Variants in NRG3 observed in about 807,000 individuals in gnomAD.
NRG3 encodes pro-neuregulin-3, membrane-bound isoform.
Under a neutral mutation model 66.9 loss-of-function variants are expected in NRG3, and 31 were observed. The ratio of observed to expected loss-of-function variants is 0.46; its 90% CI spans 0.35 to 0.63. The LOEUF is 0.63. Ranked by LOEUF, NRG3 falls within the 20% of genes least tolerant of loss-of-function variation. The pLI is 0.00. For missense variants in NRG3, 910 were observed against 878.9 expected (o/e 1.04, Z -0.45); for synonymous variants, 393 against 359.4 (o/e 1.09, Z -1.06).
chr10:82,272,119 GA>G (rs2078626790), intron 1 of NRG3, among the ~76,000 whole-genome samples: 2 of 152,182 alleles, frequency 1.3e-5, no homozygotes, highest in Admixed American at 1.3e-4. Flanking sequence ...TAAGATGATG[GA>G]GTAGAGATGA....
intron 2 of NRG3, among the ~76,000 whole-genome samples, chr10:82,393,249 GAAGT>G: frequency 6.6e-6 from 1 of 152,252 alleles, no homozygotes; most frequent in South Asian, 2.1e-4. Context: ...AACTGAAACA[GAAGT>G]AAGACATGAG....
chr10:82,845,406 T>C (rs566796412), intron 3 of NRG3, among the ~76,000 whole-genome samples: 19 of 152,312 alleles, frequency 1.2e-4, no homozygotes, highest in African/African-American at 4.1e-4. Flanking sequence ...TTTCCTTTTT[T>C]ACACTTATGT....
At chr10:82,529,951 A>G (rs1424004183) in intron 2 of NRG3, among the ~76,000 whole-genome samples, 2 of 152,198 alleles carry the variant, frequency 1.3e-5, no homozygotes, top group East Asian at 3.8e-4. Flanking sequence ...ATATCTTTGC[A>G]AACAGTTAAA....
intron 1 of NRG3, among the ~76,000 whole-genome samples, chr10:82,243,833 T>C (rs1289533297): frequency 6.6e-6 from 1 of 152,178 alleles, no homozygotes; most frequent in East Asian, 1.9e-4. Context: ...TTGGGTACAA[T>C]AGCTATATCA....
intron 1 of NRG3, among the ~76,000 whole-genome samples, chr10:82,062,823 T>C (rs2064235452): frequency 6.6e-6 from 1 of 152,118 alleles, no homozygotes; most frequent in African/African-American, 2.4e-5. Flanking sequence ...GAATCCACTC[T>C]TAGGAAAATG....
chr10:82,286,728 C>T (rs2079439410), intron 1 of NRG3, among the ~76,000 whole-genome samples: 1 of 152,136 alleles, frequency 6.6e-6, no homozygotes, highest in Non-Finnish European at 1.5e-5. Context: ...GCTGGGACTA[C>T]AGGAATGTGC....
chr10:82,757,437 G>A, intron 3 of NRG3, among the ~76,000 whole-genome samples: 1 of 152,080 alleles, frequency 6.6e-6, no homozygotes, highest in Non-Finnish European at 1.5e-5. Context: ...AGTTTCACTA[G>A]AGAAGAAATA....
chr10:82,216,596 A>G (rs766707480), intron 1 of NRG3, among the ~76,000 whole-genome samples: 2 of 122,680 alleles, frequency 1.6e-5, no homozygotes, highest in Non-Finnish European at 3.2e-5. Context: ...GTGTGTGTGT[A>G]TAGATATATA....
At chr10:82,032,248 T>C (rs1983680) in intron 1 of NRG3, among the ~76,000 whole-genome samples, 12,190 of 152,102 alleles carry the variant, frequency 0.08, 673 homozygotes, top group Non-Finnish European at 0.12. Flanking sequence ...TGAGAAGTTA[T>C]TATTCTCCCT....
chr10:82,413,588 AT>A (rs2088291579), intron 2 of NRG3, among the ~76,000 whole-genome samples: 1 of 152,114 alleles, frequency 6.6e-6, no homozygotes, highest in Non-Finnish European at 1.5e-5. Flanking sequence ...TTCCTTTGAA[AT>A]TTTAAAGCCA....
intron 3 of NRG3, among the ~76,000 whole-genome samples, chr10:82,844,460 TATCTTGA>T (rs1378184502): frequency 6.6e-6 from 1 of 152,198 alleles, no homozygotes. Context: ...TTGCAGTATG[TATCTTGA>T]ATCCCAAACT....
At chr10:82,770,583 A>T (rs557654396) in intron 3 of NRG3, among the ~76,000 whole-genome samples, 3 of 152,282 alleles carry the variant, frequency 2.0e-5, no homozygotes, top group African/African-American at 7.2e-5. Flanking sequence ...GTCCTGAGAA[A>T]AACAGAAAAG....
intron 3 of NRG3, among the ~76,000 whole-genome samples, chr10:82,845,996 A>T (rs891265872): frequency 1.3e-5 from 2 of 152,214 alleles, no homozygotes; most frequent in Non-Finnish European, 2.9e-5. Flanking sequence ...TGATTCTGAT[A>T]CAGATTGTCA....
chr10:82,412,814 C>G (rs1564893563), intron 2 of NRG3, among the ~76,000 whole-genome samples: 1 of 152,108 alleles, frequency 6.6e-6, no homozygotes, highest in Non-Finnish European at 1.5e-5. Flanking sequence ...GCATCTTCAA[C>G]AGGTGTAGAT....
intron 2 of NRG3, among the ~76,000 whole-genome samples, chr10:82,558,349 T>C (rs926635338): frequency 2.0e-5 from 3 of 152,102 alleles, no homozygotes; most frequent in Non-Finnish European, 4.4e-5. Flanking sequence ...ACCCCTTGGG[T>C]GTCTCTCAGC....
At chr10:82,000,157 G>A (rs1448841703) in intron 1 of NRG3, among the ~76,000 whole-genome samples, 1 of 152,094 alleles carries the variant, frequency 6.6e-6, no homozygotes, top group African/African-American at 2.4e-5. Flanking sequence ...TACCCTTTGG[G>A]AATTAGTTTA....
At chr10:82,892,665 CAATAAATAAATA>C (rs369613241) in intron 4 of NRG3, among the ~76,000 whole-genome samples, 411 of 146,632 alleles carry the variant, frequency 2.8e-3, no homozygotes, top group African/African-American at 9.2e-3. Context: ...TAACCTGTCT[CAATAAATAAATA>C]AATAAATAAA....
chr10:81,951,840 C>T (rs1355047323), intron 1 of NRG3, among the ~76,000 whole-genome samples: 2 of 152,194 alleles, frequency 1.3e-5, no homozygotes, highest in East Asian at 3.9e-4. Context: ...TACTGCGGCA[C>T]TATTCACAAT....
intron 2 of NRG3, among the ~76,000 whole-genome samples, chr10:82,416,700 C>G (rs1366948411): frequency 6.6e-6 from 1 of 152,114 alleles, no homozygotes; most frequent in Non-Finnish European, 1.5e-5. Flanking sequence ...TCTGCCCCCA[C>G]CCACCCTGAC....
Sources: allele counts gnomAD v4.1 joint callset (sites outside exome capture counted in the v4.1 genomes callset), GRCh38; gene constraint gnomAD v4.1.1; transcripts MANE v1.5; gene names NCBI Gene and HGNC (gene_info 2026-07-23, HGNC 2026-07-21).